Variants in SPSB4 observed in about 807,000 individuals in gnomAD.
The protein encoded by SPSB4 is splA/ryanodine receptor domain and SOCS box containing 4.
In SPSB4, 21 loss-of-function variants were observed where a neutral mutation model predicts 20.9. The observed-to-expected ratio is 1.01, with a 90% CI of 0.71 to 1.45. The LOEUF (loss-of-function observed/expected upper bound fraction) is 1.45, where lower values mean the gene tolerates loss of function less well. SPSB4 is among the 40% of genes most tolerant of loss of function. The pLI, the probability that SPSB4 is intolerant of heterozygous loss-of-function variation, is 0.00. For missense variants in SPSB4, 399 were observed against 399.2 expected (o/e 1.00, Z 0.00); for synonymous variants, 207 against 183.8 (o/e 1.13, Z -1.02).
intron 1 of SPSB4, among the ~76,000 whole-genome samples, chr3:141,059,443 G>A (rs556018744): frequency 1.7e-4 from 25 of 147,984 alleles, no homozygotes; most frequent in Non-Finnish European, 3.2e-4. Context: ...TACAGTCATG[G>A]CAGAAGGTGA....
At chr3:141,078,182 G>C (rs1043448405) in intron 2 of SPSB4, among the ~76,000 whole-genome samples, 1 of 152,230 alleles carries the variant, frequency 6.6e-6, no homozygotes, top group Non-Finnish European at 1.5e-5. Context: ...TTATTCCTCA[G>C]CTGTGGAAGA....
At chr3:141,090,121 G>C (rs1003896225) in intron 2 of SPSB4, among the ~76,000 whole-genome samples, 1 of 152,050 alleles carries the variant, frequency 6.6e-6, no homozygotes, top group Non-Finnish European at 1.5e-5. Flanking sequence ...CCCAGTTTGG[G>C]AATGTATTAA....
intron 2 of SPSB4, among the ~76,000 whole-genome samples, chr3:141,098,358 G>T (rs1016192245): frequency 2.0e-5 from 3 of 152,152 alleles, no homozygotes; most frequent in Non-Finnish European, 4.4e-5. Flanking sequence ...GGCATTTATA[G>T]ATTATTTTAA....
chr3:141,131,481 C>G (rs1046188741), intron 2 of SPSB4, among the ~76,000 whole-genome samples: 3 of 152,012 alleles, frequency 2.0e-5, no homozygotes, highest in Non-Finnish European at 2.9e-5. Context: ...TTCCAGCCCC[C>G]CCTTCCCAAC....
chr3:141,071,812 C>A (rs1405601665), intron 2 of SPSB4, among the ~76,000 whole-genome samples: 2 of 152,184 alleles, frequency 1.3e-5, no homozygotes, highest in Non-Finnish European at 2.9e-5. Context: ...AGCTGTATTT[C>A]CAGACGTCTT....
intron 2 of SPSB4, among the ~76,000 whole-genome samples, chr3:141,102,481 T>G (rs1938627044): frequency 2.0e-5 from 3 of 152,034 alleles, no homozygotes. Flanking sequence ...CTAAGGAACC[T>G]CTAAGCTTAG....
intron 1 of SPSB4, among the ~76,000 whole-genome samples, chr3:141,064,672 C>T (rs757269720): frequency 3.3e-5 from 5 of 152,166 alleles, no homozygotes; most frequent in African/African-American, 4.8e-5. Flanking sequence ...GAAAAACACC[C>T]ATCCATCTCC....
chr3:141,092,993 A>G (rs1938483612), intron 2 of SPSB4, among the ~76,000 whole-genome samples: 1 of 152,082 alleles, frequency 6.6e-6, no homozygotes, highest in African/African-American at 2.4e-5. Context: ...AGGAGGCTGT[A>G]GTCACACCAT....
At chr3:141,052,485 C>A (rs1484885479) in intron 1 of SPSB4, among the ~76,000 whole-genome samples, 4 of 152,334 alleles carry the variant, frequency 2.6e-5, no homozygotes, top group Admixed American at 2.6e-4. Flanking sequence ...TTTGCGAGCC[C>A]AAGCTTGTTA....
At chr3:141,141,670 G>A (rs9821907) in intron 2 of SPSB4, among the ~76,000 whole-genome samples, 1 of 151,926 alleles carries the variant, frequency 6.6e-6, no homozygotes, top group South Asian at 2.1e-4. Context: ...GAATCCATCT[G>A]GTCCTTGACT....
intron 2 of SPSB4, among the ~76,000 whole-genome samples, chr3:141,086,888 A>G (rs1054464250): frequency 1.3e-5 from 2 of 152,222 alleles, no homozygotes; most frequent in Admixed American, 1.3e-4. Context: ...GGCTTGCCCA[A>G]GGTCACGTAG....
In SPSB4 at chr3:141,065,832, A is replaced by G. The variant is rs1298939606; in HGVS notation, c.-153-120A>G. The G allele has an allele frequency of 5.3e-5, 23 of 437,430 alleles. No homozygotes were observed. In the South Asian group the frequency reaches 7.3e-4, roughly 14 times the overall value. 27.1% of individuals were successfully genotyped at this position (437,430 alleles called of 1,614,324 possible). ...CTAGATTAGTGCCAGATATGAGTGT[A>G]CGAATTATTACTATTATTGTGCATG... is the stretch of plus-strand genomic sequence containing the variant. On this transcript the variant is annotated intron_variant, in intron 1 of 2. Transcript: ENST00000310546.
intron 2 of SPSB4, among the ~76,000 whole-genome samples, chr3:141,095,975 G>A (rs1363714073): frequency 6.6e-6 from 1 of 152,002 alleles, no homozygotes; most frequent in African/African-American, 2.4e-5. Flanking sequence ...TGATGTCTGG[G>A]GCCATGGGGG....
chr3:141,074,522 G>C (rs1298008996), intron 2 of SPSB4, among the ~76,000 whole-genome samples: 1 of 152,232 alleles, frequency 6.6e-6, no homozygotes, highest in African/African-American at 2.4e-5. Context: ...TTCTCTCTAA[G>C]ATACATGATG....
chr3:141,117,751 G>C (rs1174689548), intron 2 of SPSB4, among the ~76,000 whole-genome samples: 1 of 152,212 alleles, frequency 6.6e-6, no homozygotes, highest in Non-Finnish European at 1.5e-5. Flanking sequence ...AGAACATACA[G>C]TGTTTGGTTT....
intron 2 of SPSB4, among the ~76,000 whole-genome samples, chr3:141,091,063 G>C (rs945333683): frequency 3.3e-5 from 5 of 152,258 alleles, no homozygotes; most frequent in Non-Finnish European, 5.9e-5. Flanking sequence ...GCAAGACTGT[G>C]GGTTGGGGAG....
In SPSB4 at chr3:141,139,163, C is replaced by A. The variant is rs1433425339; in HGVS notation, c.695-7979C>A. ...TCAGAGACTAGGATTGCAACCCCTGCCTTTTTTTATTTTCCATTTGCTTGG... is the reference window on the plus strand; with the variant it reads ...TCAGAGACTAGGATTGCAACCCCTGACTTTTTTTATTTTCCATTTGCTTGG... On this transcript the variant is annotated intron_variant, in intron 2 of 2. Transcript: ENST00000310546. Among the ~76,000 whole-genome samples, 4 of 152,080 alleles carry A rather than the reference C, an allele frequency of 2.6e-5. No individual in the cohort carries two copies. In the East Asian group the frequency reaches 7.7e-4, roughly 29 times the overall value.
intron 2 of SPSB4, among the ~76,000 whole-genome samples, chr3:141,067,933 A>C (rs1001745530): frequency 1.3e-5 from 2 of 152,256 alleles, no homozygotes; most frequent in Admixed American, 1.3e-4. Flanking sequence ...AAATAAGAAA[A>C]CTTAAGAGCA....
At position 141,066,246 on chromosome 3, in the gene SPSB4, C is replaced by A. The variant is rs771526801; in HGVS notation, c.142C>A (p.Leu48Met). The A allele has an allele frequency of 6.5e-7, 1 of 1,530,766 alleles. No individual in the cohort carries two copies. Among genetic ancestry groups the A allele is most frequent in the South Asian group, 1.2e-5 (1 of 80,372 alleles). 94.8% of individuals were successfully genotyped at this position (1,530,766 alleles called of 1,614,324 possible). A position where few individuals can be genotyped will look rare whatever the true frequency, so the allele number is the denominator to read the frequency against. ...GCTGTTGGACATGCCAGCGGCGGGG[C>A]TGGCTGTGCAGCTGCGGCACGCGTG... Reference protein sequence around the residue: ...DQLLDMPAAGLAVQLRHAWNP... With the variant: ...DQLLDMPAAGMAVQLRHAWNP... The change falls in exon 2 of 3, where the codon CTG becomes ATG. Residue 48 changes from leucine (L) to methionine (M), a missense_variant. Physicochemically the swap from Leu to Met is conservative, Grantham distance 15. Coordinates refer to ENST00000310546, the MANE Select transcript of SPSB4 (RefSeq NM_080862.3).
Sources: allele counts gnomAD v4.1 joint callset (sites outside exome capture counted in the v4.1 genomes callset), GRCh38; gene constraint gnomAD v4.1.1; transcripts MANE v1.5; gene names NCBI Gene and HGNC (gene_info 2026-07-23, HGNC 2026-07-21).